Variants in UNC5A observed in about 807,000 individuals in gnomAD.
The protein encoded by UNC5A is netrin receptor UNC5A.
In UNC5A, 20 loss-of-function variants were observed where a neutral mutation model predicts 87.4. The observed-to-expected ratio is 0.23, with a 90% CI of 0.16 to 0.33. UNC5A has a LOEUF of 0.33. UNC5A is among the 10% of genes least tolerant of loss of function. The pLI is 1.00. For missense variants in UNC5A, 844 were observed against 1,133.4 expected (o/e 0.74, Z 3.67); for synonymous variants, 438 against 482.3 (o/e 0.91, Z 1.20).
intron 1 of UNC5A, among the ~76,000 whole-genome samples, chr5:176,827,887 G>A (rs1756892912): frequency 6.6e-6 from 1 of 152,148 alleles, no homozygotes; most frequent in Non-Finnish European, 1.5e-5. Context: ...TCTGTGCGTG[G>A]CCACCAGGTT....
At position 176,869,683 on chromosome 5, in the gene UNC5A, A is replaced by G; in HGVS notation, c.722-687A>G. ...GCCAGCTGTGGGCGCGGCTGGCAGA[A>G]ACGGAGCCGGAGCTGCACCAACCCG... On this transcript the variant is annotated intron_variant, in intron 5 of 14. Transcript: ENST00000329542. This position sits in a 1 kb window ranked among gnomAD's most constrained non-coding sequence, Gnocchi z 9.1. The G allele has an allele frequency of 1.4e-6, 1 of 697,006 alleles. No homozygotes were observed. The highest frequency in any genetic ancestry group is 2.6e-6 in the Non-Finnish European group (1 of 381,520). The allele number at this position is 697,006 out of a possible 1,614,324, so 43.2% of individuals were successfully genotyped here.
rs576346793 is a variant in UNC5A at position 176,833,745 on chromosome 5, T to C, written c.70+22925T>C. 4.0e-5 allele frequency among the ~76,000 whole-genome samples: 6 copies of C among 150,804 alleles called. No homozygotes were observed. In the South Asian group the frequency reaches 1.3e-3, roughly 32 times the overall value. On this transcript the variant is annotated intron_variant, in intron 1 of 14. Transcript: ENST00000329542. Reference sequence around the variant, plus strand: ...TTTTTTTTGAGACGGAGTCTTGCTCTGTCGCCAGGCTGGAGTGCAGTGGTG... The same window carrying C: ...TTTTTTTTGAGACGGAGTCTTGCTCCGTCGCCAGGCTGGAGTGCAGTGGTG...
At chr5:176,852,154 G>T (rs1757559754) in intron 1 of UNC5A, among the ~76,000 whole-genome samples, 1 of 152,136 alleles carries the variant, frequency 6.6e-6, no homozygotes, top group Non-Finnish European at 1.5e-5. Context: ...CCTTGCCAGG[G>T]CTCAGAGCCT....
At chr5:176,843,177 AAAG>A (rs1460130815) in intron 1 of UNC5A, among the ~76,000 whole-genome samples, 1 of 117,754 alleles carries the variant, frequency 8.5e-6, no homozygotes, top group African/African-American at 5.7e-5. Flanking sequence ...AAAAAAAAAG[AAAG>A]AAAGAAAGAA....
In UNC5A at chr5:176,823,419, G is replaced by C. The variant is rs148737445; in HGVS notation, c.70+12599G>C. On this transcript the variant is annotated intron_variant, in intron 1 of 14. Transcript: ENST00000329542. ...CCAAGGGAGCGGAACAGCGTTTCCG[G>C]GTCAGGCAGGCACTGGGGGCGAAGG... Among the ~76,000 whole-genome samples the C allele has an allele frequency of 8.5e-4, 130 of 152,196 alleles. 1 individual carries two copies. The highest frequency in any genetic ancestry group is 3.0e-3 in the African/African-American group (125 of 41,516).
chr5:176,849,774 T>C (rs1217839214), intron 1 of UNC5A, among the ~76,000 whole-genome samples: 2 of 152,112 alleles, frequency 1.3e-5, no homozygotes, highest in African/African-American at 4.8e-5. Flanking sequence ...GAGTGGGGGC[T>C]GGGGACTCAA....
intron 1 of UNC5A, among the ~76,000 whole-genome samples, chr5:176,842,006 G>C (rs1757286207): frequency 6.6e-6 from 1 of 152,172 alleles, no homozygotes; most frequent in African/African-American, 2.4e-5. Flanking sequence ...GACCATCCTG[G>C]CTAACATGGT....
At chr5:176,835,637 G>A (rs1214657942) in intron 1 of UNC5A, among the ~76,000 whole-genome samples, 2 of 152,150 alleles carry the variant, frequency 1.3e-5, no homozygotes, top group East Asian at 1.9e-4. Flanking sequence ...TGCCAGTGAG[G>A]AAGAAGTGTG....
In UNC5A at chr5:176,877,717, T is replaced by C; in HGVS notation, c.1635+14T>C. ...GGCAGCTGGGAGGTGAGCAGGGAAC[T>C]GACCCGGGCTCCAGAAGGGAACGTG... On this transcript the variant is annotated intron_variant, in intron 10 of 14. Coordinates refer to ENST00000329542, the MANE Select transcript of UNC5A (RefSeq NM_133369.3). 1 of 1,580,600 alleles carries C rather than the reference T, an allele frequency of 6.3e-7. No homozygotes were observed. Among genetic ancestry groups the C allele is most frequent in the Non-Finnish European group, 8.6e-7 (1 of 1,159,606 alleles).
intron 1 of UNC5A, among the ~76,000 whole-genome samples, chr5:176,857,630 C>A (rs1330500123): frequency 2.6e-5 from 4 of 152,220 alleles, no homozygotes; most frequent in Non-Finnish European, 5.9e-5. Flanking sequence ...CCTTGCCGAG[C>A]AGGGGCACCA....
chr5:176,846,507 C>A (rs1020313234), intron 1 of UNC5A, among the ~76,000 whole-genome samples: 1 of 152,158 alleles, frequency 6.6e-6, no homozygotes. Flanking sequence ...ATTGAGGCAT[C>A]TTATACAGCT....
At chr5:176,858,917 AG>A (rs1757747041) in intron 1 of UNC5A, among the ~76,000 whole-genome samples, 1 of 152,056 alleles carries the variant, frequency 6.6e-6, no homozygotes, top group Admixed American at 6.6e-5. Flanking sequence ...CGGGACACCG[AG>A]GGGGGGACAG....
chr5:176,837,651 G>T (rs1450447691), intron 1 of UNC5A, among the ~76,000 whole-genome samples: 1 of 152,216 alleles, frequency 6.6e-6, no homozygotes, highest in Admixed American at 6.5e-5. Context: ...TATGGAGTAT[G>T]CTTTCCCGCC....
chr5:176,835,446 C>A (rs1258276433), intron 1 of UNC5A, among the ~76,000 whole-genome samples: 4 of 152,238 alleles, frequency 2.6e-5, no homozygotes, highest in African/African-American at 9.6e-5. Flanking sequence ...ACCATCCTGT[C>A]CAAATTTCAG....
intron 1 of UNC5A, among the ~76,000 whole-genome samples, chr5:176,842,624 T>C (rs538395194): frequency 6.6e-6 from 1 of 152,278 alleles, no homozygotes; most frequent in East Asian, 1.9e-4. Flanking sequence ...AAACATTGTA[T>C]GTCCCCACTG....
At chr5:176,835,557 G>A (rs1379003120) in intron 1 of UNC5A, among the ~76,000 whole-genome samples, 5 of 152,122 alleles carry the variant, frequency 3.3e-5, no homozygotes, top group Admixed American at 6.5e-5. Flanking sequence ...GCCCCTTCCC[G>A]CCTGTCAAAC....
intron 1 of UNC5A, among the ~76,000 whole-genome samples, chr5:176,859,159 C>CCTTGCTAGAGGGCATGGCTGCTAG (rs1757761327): frequency 4.6e-5 from 1 of 21,828 alleles, no homozygotes; most frequent in African/African-American, 1.4e-4. Flanking sequence ...ATAGCTGCTA[C>CCTTGCTAGAGGGCATGGCTGCTAG]AATGTCCTTG....
rs993024824 is a variant in UNC5A at position 176,864,246 on chromosome 5, G to T, written c.292+1401G>T. Among the ~76,000 whole-genome samples, 5 of 152,306 alleles carry T rather than the reference G, an allele frequency of 3.3e-5. No individual in the cohort carries two copies. In the East Asian group the frequency reaches 9.7e-4, roughly 30 times the overall value. ...ATCTCCCAGGCCTGTAGAATGGAAG[G>T]TGCAGAGGCGCAGAACAGCCTTGGG... On this transcript the variant is annotated intron_variant, in intron 2 of 14. Coordinates refer to ENST00000329542, the MANE Select transcript of UNC5A (RefSeq NM_133369.3).
Position 176,844,503 on chromosome 5 carries a change from A to C in UNC5A, c.71-18121A>C, listed in dbSNP as rs547709243. On this transcript the variant is annotated intron_variant, in intron 1 of 14. Transcript: ENST00000329542. The surrounding 1 kb of genome is among the most constrained non-coding windows in gnomAD (Gnocchi z 4.2). The stretch of plus-strand genomic sequence containing the variant: ...TGAGCTGGCCGTGGGCGCCCACTGC[A>C]TACAGCAGGTTGGTGAGGGAAGGTC... Among the ~76,000 whole-genome samples the C allele has an allele frequency of 6.6e-6, 1 of 152,300 alleles. No individual in the cohort carries two copies. The highest frequency in any genetic ancestry group is 1.9e-4 in the East Asian group (1 of 5,178).
Sources: allele counts gnomAD v4.1 joint callset (sites outside exome capture counted in the v4.1 genomes callset), GRCh38; gene constraint gnomAD v4.1.1; non-coding constraint Gnocchi (gnomAD v3.1); transcripts MANE v1.5; gene names NCBI Gene and HGNC (gene_info 2026-07-23, HGNC 2026-07-21).